The following LRP1B variants were observed in gnomAD, a reference collection of about 807,000 sequenced individuals.
The protein encoded by LRP1B is LDL receptor related protein 1B.
A neutral mutation model predicts 556.6 loss-of-function variants in LRP1B; 217 were observed. The ratio of observed to expected loss-of-function variants is 0.39; its 90% CI spans 0.35 to 0.44. The LOEUF is 0.44. Ranked by LOEUF, LRP1B falls within the 20% of genes least tolerant of loss-of-function variation. LRP1B has a pLI of 1.00. For synonymous variants in LRP1B, 2,047 were observed against 1,865.8 expected (o/e 1.10, Z -2.50); for missense variants, 5,053 against 5,620.8 (o/e 0.90, Z 3.23).
chr2:141,494,716 T>A (rs1017384328), intron 2 of LRP1B, among the ~76,000 whole-genome samples: 1 of 149,980 alleles, frequency 6.7e-6, no homozygotes, highest in South Asian at 2.2e-4. Context: ...CTGGCAATAG[T>A]AATTTTGCTC....
chr2:140,289,076 AT>A (rs961477283), intron 84 of LRP1B, among the ~76,000 whole-genome samples: 92 of 152,028 alleles, frequency 6.1e-4, no homozygotes, highest in African/African-American at 2.2e-3. Flanking sequence ...CATTCTTAAA[AT>A]TTTTTTATTC....
In LRP1B at chr2:141,903,974, A is replaced by G. The variant is rs561920414; in HGVS notation, c.83-93573T>C. Among the ~76,000 whole-genome samples the G allele has an allele frequency of 6.6e-5, 10 of 152,048 alleles. 1 individual carries two copies. The highest frequency in any genetic ancestry group is 4.1e-4 in the South Asian group (2 of 4,832). On this transcript the variant is annotated intron_variant, in intron 1 of 90. Transcript: ENST00000389484. Reference sequence around the variant, plus strand: ...AACATCATGAGAAGAAGCAAGATCAATGTCAGGGGCCTTGGGAGAAATAAA... The same window carrying G: ...AACATCATGAGAAGAAGCAAGATCAGTGTCAGGGGCCTTGGGAGAAATAAA...
At chr2:141,069,900 C>T (rs574592504) in intron 7 of LRP1B, among the ~76,000 whole-genome samples, 1 of 151,440 alleles carries the variant, frequency 6.6e-6, no homozygotes, top group African/African-American at 2.4e-5. Flanking sequence ...TGTGCTGTAC[C>T]CATTAACTTG....
At chr2:141,874,276 T>C (rs1698686067) in intron 1 of LRP1B, among the ~76,000 whole-genome samples, 1 of 151,974 alleles carries the variant, frequency 6.6e-6, no homozygotes, top group Admixed American at 6.6e-5. Flanking sequence ...ATTTTTACTG[T>C]TGATCACAAT....
intron 3 of LRP1B, among the ~76,000 whole-genome samples, chr2:141,287,323 T>C (rs1005144036): frequency 6.8e-6 from 1 of 146,564 alleles, no homozygotes; most frequent in African/African-American, 2.6e-5. Flanking sequence ...CTTTCTTTAT[T>C]TTTCTTTTTT....
chr2:141,939,879 C>T (rs187361162), intron 1 of LRP1B, among the ~76,000 whole-genome samples: 1 of 152,222 alleles, frequency 6.6e-6, no homozygotes, highest in Admixed American at 6.5e-5. Flanking sequence ...CACTGGACAG[C>T]CCTTTTCTGT....
intron 43 of LRP1B, among the ~76,000 whole-genome samples, chr2:140,573,138 G>C (rs1409548591): frequency 6.6e-6 from 1 of 151,824 alleles, no homozygotes; most frequent in Non-Finnish European, 1.5e-5. Context: ...ATAGTTAAAA[G>C]AGTGAATTTT....
chr2:140,748,595 A>G lies in LRP1B; in HGVS notation c.5758+20618T>C, dbSNP rs1228970012. Reference sequence around the variant, plus strand: ...ATAGTTATACATATACAGTGTGTATATATATATATATATATATATATATAT... The same window carrying G: ...ATAGTTATACATATACAGTGTGTATGTATATATATATATATATATATATAT... On this transcript the variant is annotated intron_variant, in intron 35 of 90. Transcript: ENST00000389484. Among the ~76,000 whole-genome samples the G allele has an allele frequency of 9.7e-3, 178 of 18,282 alleles. 3 individuals are homozygous for G. Among genetic ancestry groups the G allele is most frequent in the Middle Eastern group, 0.033 (1 of 30 alleles). 12.0% of individuals were successfully genotyped at this position (18,282 alleles called of 152,430 possible). A position where few individuals can be genotyped will look rare whatever the true frequency, so the allele number is the denominator to read the frequency against.
chr2:140,547,026 T>C (rs1197547012), intron 43 of LRP1B, among the ~76,000 whole-genome samples: 1 of 152,116 alleles, frequency 6.6e-6, no homozygotes, highest in Non-Finnish European at 1.5e-5. Context: ...AGGATAAGCT[T>C]TTTGATGTGC....
chr2:141,177,199 G>A (rs1191333850), intron 7 of LRP1B, among the ~76,000 whole-genome samples: 2 of 152,030 alleles, frequency 1.3e-5, no homozygotes, highest in African/African-American at 4.8e-5. Context: ...AAGAAGGAAG[G>A]AGGCTCCATC....
chr2:141,639,709 T>C (rs1310022807), intron 2 of LRP1B, among the ~76,000 whole-genome samples: 1 of 152,072 alleles, frequency 6.6e-6, no homozygotes, highest in Non-Finnish European at 1.5e-5. Flanking sequence ...TCATTAGCTT[T>C]CCAATGAAAG....
chr2:141,806,685 A>G (rs752244252), intron 2 of LRP1B, among the ~76,000 whole-genome samples: 7 of 152,050 alleles, frequency 4.6e-5, no homozygotes, highest in Non-Finnish European at 8.8e-5. Context: ...GAGAAGGAAA[A>G]TATGGACTCG....
intron 56 of LRP1B, among the ~76,000 whole-genome samples, chr2:140,494,050 T>C (rs1688812841): frequency 6.6e-6 from 1 of 152,338 alleles, no homozygotes; most frequent in African/African-American, 2.4e-5. Context: ...TTCTGTTCTT[T>C]ACAACTTAAA....
intron 41 of LRP1B, among the ~76,000 whole-genome samples, chr2:140,655,392 A>T (rs1203481394): frequency 6.6e-6 from 1 of 152,176 alleles, no homozygotes. Flanking sequence ...ACAGATATAA[A>T]ATATCAAAAT....
intron 83 of LRP1B, among the ~76,000 whole-genome samples, chr2:140,302,242 C>T (rs545067747): frequency 1.3e-5 from 2 of 152,178 alleles, no homozygotes; most frequent in Non-Finnish European, 2.9e-5. Context: ...TGTCTAAATG[C>T]CTCTGTCCCA....
At position 141,726,164 on chromosome 2, in the gene LRP1B, A is replaced by G. The variant is rs1035380589; in HGVS notation, c.205+84115T>C. On this transcript the variant is annotated intron_variant, in intron 2 of 90. Transcript: ENST00000389484. ...TCATGTAATAATAAATGGCATGAAA[A>G]TATATTCATAATATATTTTTAGGTA... Among the ~76,000 whole-genome samples, 26 of 151,440 alleles carry G rather than the reference A, an allele frequency of 1.7e-4. No homozygotes were observed. In the East Asian group the frequency reaches 4.6e-3, roughly 27 times the overall value.
At chr2:141,582,640 C>A in intron 2 of LRP1B, among the ~76,000 whole-genome samples, 1 of 151,282 alleles carries the variant, frequency 6.6e-6, no homozygotes, top group Non-Finnish European at 1.5e-5. Flanking sequence ...TGAACTTTAC[C>A]CTGGGAAGGT....
chr2:140,678,268 G>A lies in LRP1B; in HGVS notation c.6799+21982C>T, dbSNP rs545509308. ...TTAAGATGATGGTGAAGGAAATTAC[G>A]GGATTATATATGTAAATCTGTGTGT... On this transcript the variant is annotated intron_variant, in intron 41 of 90. Coordinates refer to ENST00000389484, the MANE Select transcript of LRP1B (RefSeq NM_018557.3). Among the ~76,000 whole-genome samples, 7 of 152,220 alleles carry A rather than the reference G, an allele frequency of 4.6e-5. No homozygotes were observed. In the South Asian group the frequency reaches 6.2e-4, roughly 14 times the overall value.
chr2:141,677,001 C>A (rs1431086009), intron 2 of LRP1B, among the ~76,000 whole-genome samples: 2 of 151,952 alleles, frequency 1.3e-5, no homozygotes, highest in African/African-American at 2.4e-5. Flanking sequence ...AAAATAATTG[C>A]AAAATAACTA....
Sources: gnomAD v4.1 joint callset for allele counts (sites outside exome capture counted in the v4.1 genomes callset) on GRCh38, gnomAD v4.1.1 for gene constraint, MANE v1.5 for transcripts, NCBI Gene and HGNC (gene_info 2026-07-23, HGNC 2026-07-21) for gene names.